The following NID1 variants were observed in gnomAD, a reference collection of about 807,000 sequenced individuals.
The protein encoded by NID1 is nidogen 1.
A neutral mutation model predicts 130.6 loss-of-function variants in NID1; 76 were observed. That is an observed-to-expected ratio of 0.58 (90% confidence interval 0.48 to 0.70). NID1 has a LOEUF of 0.70. Among genes scored for constraint, NID1 ranks in the 30% least tolerant of loss-of-function variants. The probability of loss-of-function intolerance (pLI) is 0.00; values close to 1 mark genes in which losing one functional copy is unlikely to be tolerated. For synonymous variants in NID1, 665 were observed against 675.1 expected (o/e 0.98, Z 0.23); for missense variants, 1,517 against 1,664.8 (o/e 0.91, Z 1.54).
chr1:236,030,191 C>T (rs910988121), intron 6 of NID1, among the ~76,000 whole-genome samples: 3 of 152,206 alleles, frequency 2.0e-5, no homozygotes, highest in Non-Finnish European at 2.9e-5. Context: ...GAAATAGCTA[C>T]GTCCTGGTTG....
chr1:236,064,627 C>T, intron 1 of NID1: 1 of 551,260 alleles, frequency 1.8e-6, no homozygotes, highest in South Asian at 1.9e-5. Context: ...CGGCCCGGGG[C>T]GCGCGGAGCC....
chr1:236,040,609 C>T (rs555609156), intron 4 of NID1, among the ~76,000 whole-genome samples: 1 of 151,706 alleles, frequency 6.6e-6, no homozygotes, highest in East Asian at 1.9e-4. Flanking sequence ...TTAGTGGATT[C>T]CGTATCAAAC....
rs115341248 is a variant in NID1 at position 236,033,809 on chromosome 1, T to A, written c.1286-1157A>T. Reference sequence around the variant, plus strand: ...AATTCATTTCCTATACTATAAATTTTTATAATTTTTGAGTATTTATAACTT... The same window carrying A: ...AATTCATTTCCTATACTATAAATTTATATAATTTTTGAGTATTTATAACTT... On this transcript the variant is annotated intron_variant, in intron 5 of 19. Coordinates refer to ENST00000264187, the MANE Select transcript of NID1 (RefSeq NM_002508.3). Among the ~76,000 whole-genome samples, 354 of 152,332 alleles carry A rather than the reference T, an allele frequency of 2.3e-3. 1 individual carries two copies. The highest frequency in any genetic ancestry group is 8.2e-3 in the African/African-American group (340 of 41,572).
chr1:236,025,408 C>T (rs1187415949), intron 8 of NID1, among the ~76,000 whole-genome samples: 6 of 151,722 alleles, frequency 4.0e-5, no homozygotes, highest in African/African-American at 1.2e-4. Context: ...ATTTCAGGCA[C>T]GTGCCATCAT....
Position 236,026,045 on chromosome 1 carries a change from G to T in NID1, c.1835C>A (p.Thr612Asn), listed in dbSNP as rs1371501515. 8 of 1,613,758 alleles carry T rather than the reference G, an allele frequency of 5.0e-6. No individual in the cohort carries two copies. The highest frequency in any genetic ancestry group is 6.8e-6 in the Non-Finnish European group (8 of 1,180,022). Reference sequence around the variant, plus strand: ...GTGGACGCATTCCTGGAAGGTGATGGTCTGGCGCCACTGGTAAGTGTAGAT... The same window carrying T: ...GTGGACGCATTCCTGGAAGGTGATGTTCTGGCGCCACTGGTAAGTGTAGAT... ...SRIYTYQWRQ[T>N]ITFQECVHDD... Residue 612 changes from threonine to asparagine, a missense_variant, in exon 8 of 20, where the codon ACC becomes AAC. This residue lies in a region of NID1 where 1,329 missense variants were observed against 1,429.2 expected (regional missense o/e 0.93). Transcript: ENST00000264187.
intron 1 of NID1, among the ~76,000 whole-genome samples, chr1:236,056,097 A>T (rs1208668823): frequency 6.6e-6 from 1 of 152,142 alleles, no homozygotes; most frequent in Non-Finnish European, 1.5e-5. Flanking sequence ...CCTGCAAAAG[A>T]ATGAAAATGG....
At chr1:236,013,584 C>A in intron 10 of NID1, 24 bp from the exon 11 acceptor site, 1 of 1,614,042 alleles carries the variant, frequency 6.2e-7, no homozygotes, top group Non-Finnish European at 8.5e-7. Flanking sequence ...GGTTGATGCA[C>A]AGTCTTAGGA....
At chr1:235,978,889 C>T (rs555007469) in intron 19 of NID1, 106 bp downstream of exon 19, 47 of 739,102 alleles carry the variant, frequency 6.4e-5, no homozygotes, top group South Asian at 3.2e-4. Context: ...ATCTCTCTTA[C>T]GGCATAATCA....
chr1:235,999,853 C>T (rs1658028877), intron 12 of NID1, among the ~76,000 whole-genome samples: 1 of 152,172 alleles, frequency 6.6e-6, no homozygotes, highest in Non-Finnish European at 1.5e-5. Context: ...GAAACTACTT[C>T]AGGCCATGAG....
intron 1 of NID1, among the ~76,000 whole-genome samples, chr1:236,061,997 G>T (rs373601947): frequency 3.3e-5 from 5 of 152,098 alleles, no homozygotes; most frequent in Non-Finnish European, 7.4e-5. Flanking sequence ...TGGTGCTGTC[G>T]CTTTGGAAAA....
At chr1:236,017,104 A>G (rs1453638355) in intron 10 of NID1, 44 bp downstream of exon 10, 4 of 1,613,050 alleles carry the variant, frequency 2.5e-6, no homozygotes, top group Non-Finnish European at 3.4e-6. Context: ...GAGCTAATGC[A>G]CACCATGTGA....
intron 12 of NID1, among the ~76,000 whole-genome samples, chr1:236,006,040 C>T (rs1226854988): frequency 2.0e-5 from 3 of 152,158 alleles, no homozygotes. Flanking sequence ...CACTCACTTG[C>T]TTTATTTTTC....
rs1406671427 is a variant in NID1, at chr1:235,976,780, A to G, written c.*1087T>C. 6.6e-6 allele frequency: 1 copy of G among 152,208 alleles called. No individual in the cohort carries two copies. The highest frequency in any genetic ancestry group is 1.5e-5 in the Non-Finnish European group (1 of 68,048). 9.4% of individuals were successfully genotyped at this position (152,208 alleles called of 1,614,324 possible). ...CAGTCTTTCCGGATTGTGTTGTTAG[A>G]TAAGAATACATCCAAAAAGGGCCAC... On this transcript the variant is annotated 3_prime_UTR_variant, in exon 20 of 20. Coordinates refer to ENST00000264187, the MANE Select transcript of NID1 (RefSeq NM_002508.3).
chr1:236,012,789 A>G (rs184060188), intron 11 of NID1, among the ~76,000 whole-genome samples: 14 of 152,314 alleles, frequency 9.2e-5, no homozygotes, highest in Admixed American at 5.2e-4. Flanking sequence ...CAGAAATTCT[A>G]TCTTAGTTGG....
rs781512338 is a variant in NID1 at position 235,985,395 on chromosome 1, G to T, written c.3039C>A (p.Thr1013=). The T allele has an allele frequency of 9.3e-6, 15 of 1,613,988 alleles. No homozygotes were observed. In the South Asian group the frequency reaches 1.5e-4, roughly 17 times the overall value. The change falls in exon 15 of 20, where the codon ACC becomes ACA. Residue 1013 remains threonine, a synonymous_variant. Transcript: ENST00000264187. ...GRASLHGGEP[T]TIIRQDLGSP... is the part of the protein sequence containing the mutation. ...CTTACTTACCTTGTCTAATGATGGT[G>T]GTTGGCTCTCCACCATGTAGACTAG...
At chr1:236,040,957 G>A (rs963205101) in intron 4 of NID1, among the ~76,000 whole-genome samples, 5 of 151,354 alleles carry the variant, frequency 3.3e-5, no homozygotes, top group Non-Finnish European at 5.9e-5. Flanking sequence ...GAGCCACTGT[G>A]CCTGGCTAGA....
At chr1:236,042,927 G>A (rs927287147) in intron 3 of NID1, among the ~76,000 whole-genome samples, 2 of 152,188 alleles carry the variant, frequency 1.3e-5, no homozygotes, top group African/African-American at 4.8e-5. Context: ...CTCCAGGGAG[G>A]GGAGATGGGC....
chr1:235,994,988 A>G (rs1657883020), intron 12 of NID1, among the ~76,000 whole-genome samples: 1 of 152,234 alleles, frequency 6.6e-6, no homozygotes, highest in Non-Finnish European at 1.5e-5. Flanking sequence ...TGCGTTTACC[A>G]ACATTTGTAT....
chr1:236,062,873 A>G (rs980638626), intron 1 of NID1, among the ~76,000 whole-genome samples: 3 of 151,822 alleles, frequency 2.0e-5, no homozygotes, highest in African/African-American at 7.3e-5. Context: ...GTAAGCATAT[A>G]GGCCAGGCGT....
Sources: gnomAD v4.1 joint callset for allele counts (sites outside exome capture counted in the v4.1 genomes callset) on GRCh38, gnomAD v4.1.1 for gene constraint, gnomAD v4.1.1 regional missense constraint, MANE v1.5 for transcripts, NCBI Gene and HGNC (gene_info 2026-07-23, HGNC 2026-07-21) for gene names.